Variants in RPL18A observed in about 807,000 individuals in gnomAD.
RPL18A encodes ribosomal protein L18a.
For missense variants in RPL18A, 163 were observed against 254.1 expected (o/e 0.64, Z 2.44); for synonymous variants, 122 against 96.9 (o/e 1.26, Z -1.52).
In RPL18A at chr19:17,863,062, G is replaced by T. The variant is rs550723783; in HGVS notation, c.438+35G>T. On this transcript the variant is annotated intron_variant, in intron 4 of 4. Transcript: ENST00000222247. The stretch of plus-strand genomic sequence containing the variant: ...CTGGGGGACTCCCCTGGAGGGAAGT[G>T]CCTGCTCTGACGCAGGAGCCCAGTG... 9.7e-5 allele frequency: 152 copies of T among 1,570,546 alleles called. 2 individuals carry two copies. The South Asian group carries it at 1.5e-3, about 16-fold the overall frequency.
intron 3 of RPL18A, chr19:17,862,556 G>A (rs780356000): frequency 2.9e-6 from 2 of 700,796 alleles, no homozygotes; most frequent in East Asian, 5.7e-5. Flanking sequence ...TGGCTCACCT[G>A]CCAGGGTCTG....
Position 17,862,803 on chromosome 19 carries a change from A to G in RPL18A, c.329-115A>G, listed in dbSNP as rs1054523178. The G allele has an allele frequency of 1.3e-5, 10 of 789,338 alleles. No individual in the cohort carries two copies. The Admixed American group carries it at 1.4e-4, about 11-fold the overall frequency. The allele number at this position is 789,338 out of a possible 1,614,324, so 48.9% of individuals were successfully genotyped here. A position where few individuals can be genotyped will look rare whatever the true frequency, so the allele number is the denominator to read the frequency against. On this transcript the variant is annotated intron_variant, in intron 3 of 4. Coordinates refer to ENST00000222247, the MANE Select transcript of RPL18A (RefSeq NM_000980.4). ...ACCTTCCCGTGAGCCCCGAGCCCTC[A>G]GGCAGTTGCTGTGACCAACAGGATG... is the stretch of plus-strand genomic sequence containing the variant.
At chr19:17,862,348 CAA>C in intron 3 of RPL18A, 125 bp downstream of exon 3, 1 of 1,199,276 alleles carries the variant, frequency 8.3e-7, no homozygotes, top group Non-Finnish European at 1.2e-6. Flanking sequence ...CACAGGAAGA[CAA>C]AAGGATGCCC....
intron 3 of RPL18A, 174 bp downstream of exon 3, chr19:17,862,397 G>A (rs1173237827): frequency 6.5e-6 from 5 of 768,502 alleles, no homozygotes; most frequent in Non-Finnish European, 1.1e-5. Context: ...AGCCCTGCCA[G>A]GCTCGGTTGT....
In RPL18A at chr19:17,861,328, C is replaced by T; in HGVS notation, c.54C>T (p.Pro18=). ...REYKVVGRCL[P]TPKCHTPPLY... is the part of the protein sequence containing the mutation. ...ACAAGGTAGTGGGTCGCTGCCTGCCCACCCCCAAATGCCACACGCCGCCCC... is the reference window on the plus strand; with the variant it reads ...ACAAGGTAGTGGGTCGCTGCCTGCCTACCCCCAAATGCCACACGCCGCCCC... Residue 18 remains proline (P), a synonymous_variant, in exon 2 of 5, where the codon CCC becomes CCT. Transcript: ENST00000222247. 6.2e-7 allele frequency: 1 copy of T among 1,613,730 alleles called. No homozygotes were observed. The highest frequency in any genetic ancestry group is 2.2e-5 in the East Asian group (1 of 44,876).
rs763160675 is a variant in RPL18A, at chr19:17,859,982, G to C, written c.18+8G>C. The stretch of plus-strand genomic sequence containing the variant: ...ATGAAGGCCTCGGGCACGGTAAGGC[G>C]GGCGCGGCGCGGCAGGGGGCCAAGG... On this transcript the variant is annotated splice_region_variant and intron_variant, in intron 1 of 4. Transcript: ENST00000222247. The C allele has an allele frequency of 1.9e-5, 29 of 1,521,812 alleles. No homozygotes were observed. Among genetic ancestry groups the C allele is most frequent in the Non-Finnish European group, 2.3e-5 (26 of 1,136,676 alleles). The allele number at this position is 1,521,812 out of a possible 1,614,324, so 94.3% of individuals were successfully genotyped here.
In RPL18A at chr19:17,861,276, C is replaced by T; in HGVS notation, c.19-17C>T. 1 of 1,613,370 alleles carries T rather than the reference C, an allele frequency of 6.2e-7. No homozygotes were observed. Among genetic ancestry groups the T allele is most frequent in the Non-Finnish European group, 8.5e-7 (1 of 1,179,456 alleles). On this transcript the variant is annotated splice_polypyrimidine_tract_variant and intron_variant, in intron 1 of 4. Coordinates refer to ENST00000222247, the MANE Select transcript of RPL18A (RefSeq NM_000980.4). ...CCTCTGGGTGCTGGCCTTACCCTCACTCCTGTTTCCTTTCAGCTACGAGAG... is the reference window on the plus strand; with the variant it reads ...CCTCTGGGTGCTGGCCTTACCCTCATTCCTGTTTCCTTTCAGCTACGAGAG...
rs767107214 is a variant in RPL18A at position 17,861,479 on chromosome 19, A to T, written c.198+7A>T. 6.3e-7 allele frequency: 1 copy of T among 1,579,458 alleles called. No homozygotes were observed. Among genetic ancestry groups the T allele is most frequent in the Non-Finnish European group, 8.6e-7 (1 of 1,158,720 alleles). On this transcript the variant is annotated splice_region_variant and intron_variant, in intron 2 of 4. Coordinates refer to ENST00000222247, the MANE Select transcript of RPL18A (RefSeq NM_000980.4). ...GATTGTCTACTGTGGGCAGGTATGG[A>T]GAGGCCGGGGCTACGTGGGGTCTGG...
At chr19:17,862,814 G>A in intron 3 of RPL18A, 104 bp from the exon 4 acceptor site, 3 of 828,202 alleles carry the variant, frequency 3.6e-6, no homozygotes, top group East Asian at 2.4e-5. Flanking sequence ...GGCAGTTGCT[G>A]TGACCAACAG....
At chr19:17,861,144 C>G in intron 1 of RPL18A, 149 bp from the exon 2 acceptor site, 1 of 650,770 alleles carries the variant, frequency 1.5e-6, no homozygotes, top group South Asian at 1.8e-5. Flanking sequence ...GTGTGACCTA[C>G]AGTCACCAAG....
In RPL18A at chr19:17,859,936, G is replaced by T; in HGVS notation, c.-21G>T. 6.5e-7 allele frequency: 1 copy of T among 1,543,516 alleles called. No individual in the cohort carries two copies. The highest frequency in any genetic ancestry group is 8.7e-7 in the Non-Finnish European group (1 of 1,145,500). ...GAGGACACTTCCTTTTGCGGGTGGC[G>T]GCGAACGCGGAGAGCACGCCATGAA... On this transcript the variant is annotated 5_prime_UTR_variant, in exon 1 of 5. Coordinates refer to ENST00000222247, the MANE Select transcript of RPL18A (RefSeq NM_000980.4).
At chr19:17,861,228 A>G (rs1036685946) in intron 1 of RPL18A, 65 bp from the exon 2 acceptor site, 49 of 1,447,304 alleles carry the variant, frequency 3.4e-5, no homozygotes, top group Non-Finnish European at 4.6e-5. Context: ...TAGGAAAGGG[A>G]GTGAGGTGGA....
chr19:17,862,147 T>C lies in RPL18A; in HGVS notation c.252T>C (p.Tyr84=), dbSNP rs1282590547. 1 of 1,612,802 alleles carries C rather than the reference T, an allele frequency of 6.2e-7. No individual in the cohort carries two copies. The highest frequency in any genetic ancestry group is 8.5e-7 in the Non-Finnish European group (1 of 1,179,984). The change falls in exon 3 of 5, where the codon TAT becomes TAC. Residue 84 remains tyrosine, a synonymous_variant. Transcript: ENST00000222247. ...AGAACTTCGGGATCTGGCTGCGCTATGACTCCCGGAGCGGCACCCACAACA... is the reference window on the plus strand; with the variant it reads ...AGAACTTCGGGATCTGGCTGCGCTACGACTCCCGGAGCGGCACCCACAACA... The part of the protein sequence containing the change: ...RVKNFGIWLR[Y]DSRSGTHNMY...
At chr19:17,862,610 ACT>A in intron 3 of RPL18A, 1 of 711,452 alleles carries the variant, frequency 1.4e-6, no homozygotes, top group Non-Finnish European at 2.6e-6. Flanking sequence ...CCCAAGAATC[ACT>A]GTTTCTTATA....
In RPL18A at chr19:17,861,359, C is replaced by A; in HGVS notation, c.85C>A (p.Arg29Ser). Residue 29 changes from arginine to serine, a missense_variant, in exon 2 of 5, where the codon CGC becomes AGC. Coordinates refer to ENST00000222247, the MANE Select transcript of RPL18A (RefSeq NM_000980.4). ...TPKCHTPPLY[R>S]MRIFAPNHVV... ...CAAATGCCACACGCCGCCCCTCTAC[C>A]GCATGCGAATCTTTGCGCCTAATCA... is the stretch of plus-strand genomic sequence containing the variant. 1 of 1,613,050 alleles carries A rather than the reference C, an allele frequency of 6.2e-7. No individual in the cohort carries two copies. The highest frequency in any genetic ancestry group is 8.5e-7 in the Non-Finnish European group (1 of 1,179,362).
chr19:17,860,273 C>T (rs564585640), intron 1 of RPL18A: 3 of 412,676 alleles, frequency 7.3e-6, no homozygotes, highest in South Asian at 1.1e-4. Flanking sequence ...CCTCGTCGAG[C>T]CGCCAAGTTT....
At chr19:17,862,267 C>CT (rs773546474) in intron 3 of RPL18A, 44 bp downstream of exon 3, 1 of 1,603,116 alleles carries the variant, frequency 6.2e-7, no homozygotes, top group African/African-American at 1.3e-5. Flanking sequence ...CCCTCCTTGA[C>CT]TCCCTCACAC....
Position 17,862,107 on chromosome 19 carries a change from C to T in RPL18A, c.212C>T (p.Ser71Phe). 13 of 1,611,858 alleles carry T rather than the reference C, an allele frequency of 8.1e-6. No individual in the cohort carries two copies. In the South Asian group the frequency reaches 8.8e-5, roughly 11 times the overall value. ...TCTCCTTGGCAGGTGTTTGAGAAGT[C>T]CCCCCTGCGGGTGAAGAACTTCGGG... is the stretch of plus-strand genomic sequence containing the variant. ...IVYCGQVFEK[S>F]PLRVKNFGIW... Residue 71 changes from serine (S) to phenylalanine (F), a missense_variant, in exon 3 of 5, where the codon TCC becomes TTC. Coordinates refer to ENST00000222247, the MANE Select transcript of RPL18A (RefSeq NM_000980.4).
intron 1 of RPL18A, chr19:17,860,988 T>C: frequency 5.0e-6 from 2 of 400,142 alleles, no homozygotes; most frequent in South Asian, 6.9e-5. Context: ...GACTGCAGCA[T>C]GAAGAAAGGA....
Sources: gnomAD v4.1 joint callset for allele counts on GRCh38, gnomAD v4.1.1 for gene constraint, MANE v1.5 for transcripts, NCBI Gene and HGNC (gene_info 2026-07-23, HGNC 2026-07-21) for gene names.